CNTN1: variants seen among roughly 807,000 people sequenced by gnomAD.
CNTN1 encodes the protein contactin 1.
In CNTN1, 38 loss-of-function variants were observed where a neutral mutation model predicts 126.4. The ratio of observed to expected loss-of-function variants is 0.30; its 90% confidence interval spans 0.23 to 0.39. CNTN1 has a LOEUF of 0.39. Ranked by LOEUF, CNTN1 falls within the 10% of genes least tolerant of loss-of-function variation. CNTN1 has a pLI of 1.00. For missense variants in CNTN1, 1,009 were observed against 1,248.4 expected (o/e 0.81, Z 2.89); for synonymous variants, 413 against 422.6 (o/e 0.98, Z 0.28).
At chr12:40,860,444 C>T (rs75900967) in intron 1 of CNTN1, among the ~76,000 whole-genome samples, 9,039 of 152,090 alleles carry the variant, frequency 0.059, 408 homozygotes, top group Non-Finnish European at 0.095. Flanking sequence ...AGGTTAATGG[C>T]TCAGTCTTAC....
chr12:41,033,965 G>T (rs908892485), intron 23 of CNTN1, among the ~76,000 whole-genome samples: 1 of 151,982 alleles, frequency 6.6e-6, no homozygotes, highest in Non-Finnish European at 1.5e-5. Flanking sequence ...CAGGAGAATG[G>T]TGTGAATCCA....
intron 1 of CNTN1, among the ~76,000 whole-genome samples, chr12:40,757,102 C>G (rs1040865624): frequency 1.3e-5 from 2 of 152,038 alleles, no homozygotes; most frequent in African/African-American, 4.8e-5. Context: ...CAAACGTCAG[C>G]CTTCTTGCTG....
intron 1 of CNTN1, among the ~76,000 whole-genome samples, chr12:40,703,233 G>A (rs946066834): frequency 6.6e-6 from 1 of 152,042 alleles, no homozygotes; most frequent in East Asian, 1.9e-4. Flanking sequence ...AAGCATAGCT[G>A]TGTGCTAAAG....
intron 1 of CNTN1, among the ~76,000 whole-genome samples, chr12:40,876,885 T>A (rs1943686944): frequency 6.6e-6 from 1 of 152,132 alleles, no homozygotes; most frequent in Non-Finnish European, 1.5e-5. Context: ...AATACATTCA[T>A]TAAAGAAGTG....
At chr12:40,829,351 C>T (rs1941728524) in intron 1 of CNTN1, among the ~76,000 whole-genome samples, 1 of 151,738 alleles carries the variant, frequency 6.6e-6, no homozygotes, top group South Asian at 2.1e-4. Flanking sequence ...GTTTATAAAA[C>T]ATAATATATG....
chr12:41,024,835 T>C (rs278906), intron 20 of CNTN1, among the ~76,000 whole-genome samples: 15,270 of 152,188 alleles, frequency 0.1, 1,295 homozygotes, highest in African/African-American at 0.23. Flanking sequence ...TGGAGACCAC[T>C]TTTATATTTT....
intron 1 of CNTN1, among the ~76,000 whole-genome samples, chr12:40,831,198 C>T (rs1941828625): frequency 6.8e-6 from 1 of 146,710 alleles, no homozygotes; most frequent in African/African-American, 2.5e-5. Context: ...ATAGTATATA[C>T]ATTTACACAT....
At chr12:40,815,891 G>A (rs1592118686) in intron 1 of CNTN1, among the ~76,000 whole-genome samples, 1 of 152,122 alleles carries the variant, frequency 6.6e-6, no homozygotes, top group Admixed American at 6.5e-5. Flanking sequence ...GGCCTTTATT[G>A]CATCTATTGA....
intron 23 of CNTN1, among the ~76,000 whole-genome samples, chr12:41,052,728 C>G (rs1261309328): frequency 6.6e-6 from 1 of 151,958 alleles, no homozygotes; most frequent in African/African-American, 2.4e-5. Flanking sequence ...AAAAAAAGTT[C>G]TCTAGATAAA....
intron 20 of CNTN1, 141 bp from the exon 21 acceptor site, chr12:41,025,008 TA>T: frequency 1.2e-6 from 1 of 851,372 alleles, no homozygotes; most frequent in East Asian, 2.4e-5. Context: ...CTAAGGCTGA[TA>T]AAAGGGTAGA....
At chr12:40,733,728 C>G (rs1289949080) in intron 1 of CNTN1, among the ~76,000 whole-genome samples, 2 of 151,846 alleles carry the variant, frequency 1.3e-5, no homozygotes, top group Non-Finnish European at 2.9e-5. Flanking sequence ...TCTTTCTTGT[C>G]TTTTTACATT....
chr12:40,698,905 T>A (rs1317995051), intron 1 of CNTN1, among the ~76,000 whole-genome samples: 1 of 152,164 alleles, frequency 6.6e-6, no homozygotes, highest in African/African-American at 2.4e-5. Flanking sequence ...TCCTAATGCA[T>A]CTTGTTTCCT....
intron 16 of CNTN1, among the ~76,000 whole-genome samples, chr12:40,992,070 C>T (rs577976106): frequency 5.3e-5 from 8 of 151,974 alleles, no homozygotes; most frequent in Non-Finnish European, 7.4e-5. Flanking sequence ...AAAACAGAGG[C>T]GAAGGTAAAG....
chr12:40,931,849 G>A (rs1945897025), intron 7 of CNTN1, among the ~76,000 whole-genome samples: 1 of 151,252 alleles, frequency 6.6e-6, no homozygotes, highest in African/African-American at 2.4e-5. Context: ...TGATGATTGA[G>A]CCTTTAATCT....
At chr12:41,019,754 C>A (rs1948864728) in intron 19 of CNTN1, among the ~76,000 whole-genome samples, 1 of 151,996 alleles carries the variant, frequency 6.6e-6, no homozygotes, top group Non-Finnish European at 1.5e-5. Context: ...GTTTCAAAGG[C>A]TCTTAAAAAT....
intron 1 of CNTN1, among the ~76,000 whole-genome samples, chr12:40,814,996 G>T (rs1175993938): frequency 2.0e-5 from 3 of 151,892 alleles, no homozygotes; most frequent in African/African-American, 7.3e-5. Context: ...CTCTCTGTTG[G>T]TCTGTTATTT....
At chr12:40,783,120 G>A (rs866972422) in intron 1 of CNTN1, among the ~76,000 whole-genome samples, 2 of 151,858 alleles carry the variant, frequency 1.3e-5, no homozygotes, top group Non-Finnish European at 2.9e-5. Context: ...AGTACCAGTG[G>A]GAGCTCAGCT....
At chr12:40,766,187 A>G (rs772300254) in intron 1 of CNTN1, among the ~76,000 whole-genome samples, 18 of 151,992 alleles carry the variant, frequency 1.2e-4, no homozygotes, top group Non-Finnish European at 2.4e-4. Flanking sequence ...GCGAAACCCC[A>G]TCTCTACTAA....
intron 17 of CNTN1, among the ~76,000 whole-genome samples, chr12:40,994,103 G>A (rs1350431943): frequency 7.2e-5 from 11 of 152,000 alleles, no homozygotes; most frequent in Admixed American, 7.2e-4. Context: ...CAGATCTTAT[G>A]GTAATCATGT....
Sources: allele counts gnomAD v4.1 joint callset (sites outside exome capture counted in the v4.1 genomes callset), GRCh38; gene constraint gnomAD v4.1.1; transcripts MANE v1.5; gene names NCBI Gene and HGNC (gene_info 2026-07-23, HGNC 2026-07-21).